Variants in TMEM14A observed in about 807,000 individuals in gnomAD.
The protein encoded by TMEM14A is transmembrane protein 14A.
Under a neutral mutation model 11.6 loss-of-function variants are expected in TMEM14A, and 8 were observed. The ratio of observed to expected loss-of-function variants is 0.69; its 90% CI spans 0.40 to 1.24. The LOEUF (loss-of-function observed/expected upper bound fraction) is 1.24, where lower values mean the gene tolerates loss of function less well. TMEM14A is among the 50% of genes most tolerant of loss of function. TMEM14A has a pLI of 0.01. For missense variants in TMEM14A, 108 were observed against 121.9 expected, an observed-to-expected ratio of 0.89 and a Z score of 0.54; for synonymous variants, 34 against 45.5, an observed-to-expected ratio of 0.75 and a Z score of 1.02.
At chr6:52,685,828 G>A (rs1406489006) in intron 4 of TMEM14A, among the ~76,000 whole-genome samples, 182 bp from the exon 5 acceptor site, 1 of 151,988 alleles carries the variant, frequency 6.6e-6, no homozygotes, top group Non-Finnish European at 1.5e-5. Flanking sequence ...TTCATTTAGC[G>A]AACATTTTAA....
chr6:52,680,662 T>TATGTGTATATATATATATACAC (rs1394546544), intron 2 of TMEM14A, among the ~76,000 whole-genome samples: 3 of 81,818 alleles, frequency 3.7e-5, no homozygotes, highest in African/African-American at 1.2e-4. Flanking sequence ...TGTGTGTATA[T>TATGTGTATATATATATATACAC]ATATGTGTAT....
intron 3 of TMEM14A, 95 bp downstream of exon 3, chr6:52,682,009 AATGG>A: frequency 3.1e-6 from 3 of 968,972 alleles, no homozygotes; most frequent in Admixed American, 4.8e-5. Context: ...TATTTAGTCA[AATGG>A]CAAATGGCCA....
intron 2 of TMEM14A, among the ~76,000 whole-genome samples, chr6:52,677,609 G>A (rs1449284820): frequency 1.5e-5 from 2 of 135,770 alleles, no homozygotes; most frequent in East Asian, 5.5e-4. Context: ...GTCCAAAAGA[G>A]GGGGGAAAAA....
intron 1 of TMEM14A, among the ~76,000 whole-genome samples, chr6:52,676,864 G>A (rs560420900): frequency 1.3e-5 from 2 of 152,246 alleles, no homozygotes; most frequent in South Asian, 2.1e-4. Context: ...GAGAACTTTA[G>A]ATCATGGAAC....
intron 1 of TMEM14A, among the ~76,000 whole-genome samples, chr6:52,673,451 C>G (rs923132250): frequency 7.3e-6 from 1 of 136,860 alleles, no homozygotes; most frequent in Non-Finnish European, 1.6e-5. Flanking sequence ...TTTTCCTGCC[C>G]AGCTCACCAC....
chr6:52,674,435 T>C (rs1055881014), intron 1 of TMEM14A, among the ~76,000 whole-genome samples: 1 of 152,218 alleles, frequency 6.6e-6, no homozygotes, highest in African/African-American at 2.4e-5. Context: ...TTTGTTTTGC[T>C]GTATAACCTT....
chr6:52,671,311 T>C (rs1436201614), intron 1 of TMEM14A, 66 bp downstream of exon 1: 2 of 152,312 alleles, frequency 1.3e-5, no homozygotes, highest in Non-Finnish European at 2.9e-5. Flanking sequence ...TGCAGAAATA[T>C]AAGGGGCGTT....
chr6:52,683,962 C>G (rs897090503), intron 3 of TMEM14A, 116 bp from the exon 4 acceptor site: 2 of 946,464 alleles, frequency 2.1e-6, no homozygotes, highest in East Asian at 2.6e-5. Flanking sequence ...AATGGCAACT[C>G]AGTACCTATC....
At chr6:52,683,174 T>C (rs993327191) in intron 3 of TMEM14A, among the ~76,000 whole-genome samples, 17 of 152,278 alleles carry the variant, frequency 1.1e-4, no homozygotes, top group African/African-American at 4.1e-4. Context: ...AAAAAGACTT[T>C]CTTAGCTAGG....
At chr6:52,683,803 C>T (rs1393826256) in intron 3 of TMEM14A, among the ~76,000 whole-genome samples, 1 of 151,982 alleles carries the variant, frequency 6.6e-6, no homozygotes, top group Non-Finnish European at 1.5e-5. Flanking sequence ...TTAGTAGAGA[C>T]GAGGTTTCTC....
intron 2 of TMEM14A, among the ~76,000 whole-genome samples, chr6:52,679,776 C>A (rs535273832): frequency 6.6e-6 from 1 of 150,920 alleles, no homozygotes; most frequent in Non-Finnish European, 1.5e-5. Flanking sequence ...GCTGGTGAGC[C>A]TGCCCCTGCT....
intron 2 of TMEM14A, among the ~76,000 whole-genome samples, chr6:52,680,597 A>ATGTG (rs1769349946): frequency 2.1e-5 from 2 of 97,338 alleles, no homozygotes; most frequent in East Asian, 3.3e-4. Context: ...ATATATTTAT[A>ATGTG]TATATATATA....
At chr6:52,678,347 G>GTA in intron 2 of TMEM14A, among the ~76,000 whole-genome samples, 1 of 151,044 alleles carries the variant, frequency 6.6e-6, no homozygotes, top group African/African-American at 2.4e-5. Flanking sequence ...GTGTGTGTGT[G>GTA]TGTGTGTGTG....
intron 4 of TMEM14A, among the ~76,000 whole-genome samples, chr6:52,685,807 A>G (rs1769482720): frequency 6.6e-6 from 1 of 152,026 alleles, no homozygotes; most frequent in African/African-American, 2.4e-5. Context: ...ACAGGTTCTG[A>G]TTTTTCCTTA....
At position 52,680,669 on chromosome 6, in the gene TMEM14A, G is replaced by GTATATATATACATATATGTGTA. The variant is rs1554137461; in HGVS notation, c.71-1134_71-1133insCATATATGTGTATATATATATA. ...TATATATGTGTGTGTATATATATGT[G>GTATATATATACATATATGTGTA]TATATATATATATACATATATGTAT... On this transcript the variant is annotated intron_variant, in intron 2 of 4. Coordinates refer to ENST00000211314, the MANE Select transcript of TMEM14A (RefSeq NM_014051.4). 5.2e-3 allele frequency among the ~76,000 whole-genome samples: 187 copies of GTATATATATACATATATGTGTA among 35,968 alleles called. 14 individuals carry two copies. Among genetic ancestry groups the GTATATATATACATATATGTGTA allele is most frequent in the African/African-American group, 0.014 (177 of 12,740 alleles). 23.6% of individuals were successfully genotyped at this position (35,968 alleles called of 152,430 possible). A position where few individuals can be genotyped will look rare whatever the true frequency, so the allele number is the denominator to read the frequency against.
chr6:52,678,852 A>G (rs1769311009), intron 2 of TMEM14A, among the ~76,000 whole-genome samples: 1 of 152,170 alleles, frequency 6.6e-6, no homozygotes, highest in African/African-American at 2.4e-5. Context: ...ATGAGGCATA[A>G]TACCTTTTTC....
rs546905533 is a variant in TMEM14A, at chr6:52,677,153, T to G, written c.51T>G (p.Ile17Met). 1.2e-6 allele frequency: 2 copies of G among 1,614,198 alleles called. No individual in the cohort carries two copies. The highest frequency in any genetic ancestry group is 2.2e-5 in the South Asian group (2 of 91,076). Residue 17 changes from isoleucine (I) to methionine (M), a missense_variant, in exon 2 of 5, where the codon ATT (isoleucine) becomes ATG (methionine). Transcript: ENST00000211314. ...CAGCCCTCGTGACATTTGGAAGCAT[T>G]TTTGGATATAAGCGGAGAGGTAAGC... The part of the protein sequence containing the change: ...GYAALVTFGS[I>M]FGYKRRGGVP...
intron 1 of TMEM14A, among the ~76,000 whole-genome samples, chr6:52,671,734 C>T (rs187370205): frequency 6.6e-6 from 1 of 152,228 alleles, no homozygotes; most frequent in East Asian, 1.9e-4. Flanking sequence ...GCGAGGCTGT[C>T]CCCTGTCACC....
chr6:52,677,151 A>G lies in TMEM14A; in HGVS notation c.49A>G (p.Ile17Val). ...TGCAGCCCTCGTGACATTTGGAAGC[A>G]TTTTTGGATATAAGCGGAGAGGTAA... ...GYAALVTFGS[I>V]FGYKRRGGVP... Residue 17 changes from isoleucine to valine, a missense_variant, in exon 2 of 5, where the codon ATT (isoleucine) becomes GTT (valine). By Grantham distance (29) the Ile-to-Val change is conservative. Coordinates refer to ENST00000211314, the MANE Select transcript of TMEM14A (RefSeq NM_014051.4). 6.2e-7 allele frequency: 1 copy of G among 1,614,176 alleles called. No homozygotes were observed. The highest frequency in any genetic ancestry group is 8.5e-7 in the Non-Finnish European group (1 of 1,180,034).
Sources: allele counts gnomAD v4.1 joint callset (sites outside exome capture counted in the v4.1 genomes callset), GRCh38; gene constraint gnomAD v4.1.1; transcripts MANE v1.5; gene names NCBI Gene and HGNC (gene_info 2026-07-23, HGNC 2026-07-21).